The following CDC14A variants were observed in gnomAD, a reference collection of about 807,000 sequenced individuals.
CDC14A encodes cell division cycle 14A.
In CDC14A, 53 loss-of-function variants were observed where a neutral mutation model predicts 74.4. The ratio of observed to expected loss-of-function variants is 0.71; its 90% CI spans 0.57 to 0.89. The LOEUF (loss-of-function observed/expected upper bound fraction) is 0.89, where lower values mean the gene tolerates loss of function less well. Among genes scored for constraint, CDC14A ranks in the 40% least tolerant of loss-of-function variants. The pLI, the probability that CDC14A is intolerant of heterozygous loss-of-function variation, is 0.00. For missense variants in CDC14A, 646 were observed against 713.7 expected (o/e 0.91, Z 1.08); for synonymous variants, 247 against 258.4 (o/e 0.96, Z 0.43).
chr1:100,504,874 C>A (rs1435633335), intron 15 of CDC14A: 5 of 1,535,390 alleles, frequency 3.3e-6, no homozygotes, highest in Non-Finnish European at 3.5e-6. Flanking sequence ...GCTCTCCTTA[C>A]CAATTTCTCA....
intron 4 of CDC14A, among the ~76,000 whole-genome samples, chr1:100,409,262 A>G (rs1185316583): frequency 6.6e-6 from 1 of 152,142 alleles, no homozygotes; most frequent in East Asian, 1.9e-4. Context: ...CATGATTCAG[A>G]CACCTCCCAT....
At chr1:100,394,593 A>C (rs1214983636) in intron 4 of CDC14A, among the ~76,000 whole-genome samples, 2 of 152,372 alleles carry the variant, frequency 1.3e-5, no homozygotes, top group South Asian at 2.1e-4. Flanking sequence ...TAAAGCAACC[A>C]AAAGGGGAAA....
intron 2 of CDC14A, chr1:100,363,158 T>C (rs1225484963): frequency 2.6e-5 from 4 of 152,250 alleles, no homozygotes; most frequent in African/African-American, 4.8e-5. Context: ...TCTTGTCTGC[T>C]CCTCACTGTA....
At chr1:100,433,672 A>G (rs1033246732) in intron 5 of CDC14A, among the ~76,000 whole-genome samples, 7 of 152,144 alleles carry the variant, frequency 4.6e-5, no homozygotes, top group Non-Finnish European at 1.0e-4. Context: ...TTCATTATTC[A>G]TAATAAGAAA....
intron 4 of CDC14A, chr1:100,391,124 ATG>A (rs59238291): frequency 0.041 from 16,120 of 395,216 alleles, 2,439 homozygotes; most frequent in African/African-American, 0.31. Context: ...GGAAAAAAAA[ATG>A]TGTGTGTGCA....
intron 1 of CDC14A, among the ~76,000 whole-genome samples, chr1:100,346,562 G>A (rs1209615658): frequency 6.6e-6 from 1 of 151,204 alleles, no homozygotes; most frequent in Non-Finnish European, 1.5e-5. Context: ...AGCTTAGGAG[G>A]TTGAGGTTGC....
intron 2 of CDC14A, among the ~76,000 whole-genome samples, chr1:100,369,386 C>T (rs1308879993): frequency 1.3e-5 from 2 of 152,166 alleles, no homozygotes; most frequent in African/African-American, 2.4e-5. Flanking sequence ...GAATTACAGG[C>T]GTGAGCCACT....
chr1:100,463,878 T>C (rs6660021), intron 9 of CDC14A, among the ~76,000 whole-genome samples: 8,877 of 152,108 alleles, frequency 0.058, 875 homozygotes, highest in African/African-American at 0.2. Context: ...GTTCCTCATG[T>C]GCAGCTCCTC....
At chr1:100,361,734 A>C (rs1028767052) in intron 2 of CDC14A, among the ~76,000 whole-genome samples, 1 of 152,232 alleles carries the variant, frequency 6.6e-6, no homozygotes, top group Admixed American at 6.5e-5. Context: ...TCACAGCAGC[A>C]GTCACTTAGT....
intron 3 of CDC14A, among the ~76,000 whole-genome samples, chr1:100,384,561 A>G (rs757242176): frequency 1.3e-5 from 2 of 152,164 alleles, no homozygotes; most frequent in Non-Finnish European, 2.9e-5. Flanking sequence ...TCCCCTTGTC[A>G]CTGCATTGCT....
intron 5 of CDC14A, among the ~76,000 whole-genome samples, chr1:100,436,713 A>C (rs1664387383): frequency 6.6e-6 from 1 of 152,170 alleles, no homozygotes; most frequent in Non-Finnish European, 1.5e-5. Flanking sequence ...GGCATGAGCC[A>C]CTGTGCCCAA....
intron 3 of CDC14A, among the ~76,000 whole-genome samples, chr1:100,381,621 A>G (rs942010398): frequency 1.3e-5 from 2 of 152,120 alleles, no homozygotes; most frequent in Admixed American, 1.3e-4. Context: ...CCAGTTGATG[A>G]TTTGAGTTGG....
intron 11 of CDC14A, among the ~76,000 whole-genome samples, chr1:100,491,542 CTCTCTCTATATATATA>C (rs1311214216): frequency 2.4e-5 from 1 of 40,978 alleles, no homozygotes; most frequent in African/African-American, 7.8e-5. Context: ...CTCTCTCTCT[CTCTCTCTATATATATA>C]TATATATATA....
At chr1:100,408,629 G>A (rs1660256798) in intron 4 of CDC14A, among the ~76,000 whole-genome samples, 1 of 152,126 alleles carries the variant, frequency 6.6e-6, no homozygotes. Context: ...GTGTGAGATG[G>A]TGTCTCATTG....
intron 5 of CDC14A, among the ~76,000 whole-genome samples, chr1:100,433,784 C>T (rs1664002638): frequency 1.3e-5 from 2 of 152,126 alleles, no homozygotes; most frequent in South Asian, 2.1e-4. Flanking sequence ...CTTAGATTCT[C>T]AGGTTACAAG....
Position 100,462,888 on chromosome 1 carries a change from G to T in CDC14A, c.838+7G>T, listed in dbSNP as rs1253679291. On this transcript the variant is annotated splice_region_variant and intron_variant, in intron 9 of 15. Coordinates refer to ENST00000336454, the MANE Select transcript of CDC14A (RefSeq NM_003672.4). The stretch of plus-strand genomic sequence containing the variant: ...ATCGCCGTTCACTGCAAAGGTGTGT[G>T]CAAGGCCTCGGTGGTGGTGGCTGTG... 6.2e-7 allele frequency: 1 copy of T among 1,608,400 alleles called. No individual in the cohort carries two copies. Among genetic ancestry groups the T allele is most frequent in the Admixed American group, 1.7e-5 (1 of 60,000 alleles).
intron 7 of CDC14A, among the ~76,000 whole-genome samples, chr1:100,454,994 G>A (rs1211759018): frequency 6.6e-6 from 1 of 152,160 alleles, no homozygotes; most frequent in African/African-American, 2.4e-5. Context: ...GTATTCATCA[G>A]GAGCTTGATA....
intron 15 of CDC14A, among the ~76,000 whole-genome samples, chr1:100,515,624 A>G (rs1166398249): frequency 6.6e-6 from 1 of 151,762 alleles, no homozygotes; most frequent in East Asian, 1.9e-4. Context: ...ACCTCAGATG[A>G]TCCACCCGCC....
chr1:100,430,972 C>T (rs977559792), intron 5 of CDC14A, among the ~76,000 whole-genome samples: 6 of 152,118 alleles, frequency 3.9e-5, no homozygotes, highest in South Asian at 2.1e-4. Flanking sequence ...AGCTAATTCG[C>T]GTTAGTTTTG....
Sources: allele counts gnomAD v4.1 joint callset (sites outside exome capture counted in the v4.1 genomes callset), GRCh38; gene constraint gnomAD v4.1.1; transcripts MANE v1.5; gene names NCBI Gene and HGNC (gene_info 2026-07-23, HGNC 2026-07-21).